Variants in MRLN observed in about 807,000 individuals in gnomAD.
The protein encoded by MRLN is Linc-RNA activator of myogenesis.
At chr10:59,745,897 C>CA (rs201860031) in intron 1 of MRLN, among the ~76,000 whole-genome samples, 8 of 151,118 alleles carry the variant, frequency 5.3e-5, no homozygotes, top group Non-Finnish European at 7.4e-5. Context: ...GGTCCCCTGG[C>CA]AAAAAAAACC....
intron 1 of MRLN, among the ~76,000 whole-genome samples, chr10:59,743,937 T>C (rs534710219): frequency 2.0e-5 from 3 of 152,322 alleles, no homozygotes; most frequent in Admixed American, 1.3e-4. Flanking sequence ...GGTGCCGGGA[T>C]TGTAGACGGA....
intron 1 of MRLN, among the ~76,000 whole-genome samples, chr10:59,743,837 G>A (rs958001638): frequency 1.3e-5 from 2 of 152,148 alleles, no homozygotes; most frequent in Admixed American, 6.5e-5. Context: ...ACTGGTTTTC[G>A]TATTTTTTGG....
chr10:59,752,125 T>A (rs1441708137), intron 1 of MRLN, among the ~76,000 whole-genome samples: 1 of 152,170 alleles, frequency 6.6e-6, no homozygotes, highest in Non-Finnish European at 1.5e-5. Context: ...CAATATACCA[T>A]CCTCCAATCC....
chr10:59,746,367 G>A (rs1841044218), intron 1 of MRLN, among the ~76,000 whole-genome samples: 1 of 152,186 alleles, frequency 6.6e-6, no homozygotes, highest in African/African-American at 2.4e-5. Flanking sequence ...GCCAGGCGCT[G>A]CTTATGCACA....
chr10:59,742,268 A>G (rs1840991678), intron 1 of MRLN, among the ~76,000 whole-genome samples: 1 of 152,238 alleles, frequency 6.6e-6, no homozygotes, highest in African/African-American at 2.4e-5. Context: ...AGACAAAAAC[A>G]AAGATGAATC....
At position 59,737,006 on chromosome 10, in the gene MRLN, A is replaced by T. The variant is rs968418335; in HGVS notation, c.*54T>A. 2 of 388,994 alleles carry T rather than the reference A, an allele frequency of 5.1e-6. No homozygotes were observed. The highest frequency in any genetic ancestry group is 4.1e-5 in the African/African-American group (2 of 48,424). 24.1% of individuals were successfully genotyped at this position (388,994 alleles called of 1,614,324 possible). Reference sequence around the variant, plus strand: ...AGTCACTCAACAAGTTAAAATACAAATTTTTATTCACTGTAATTCAGTTTG... The same window carrying T: ...AGTCACTCAACAAGTTAAAATACAATTTTTTATTCACTGTAATTCAGTTTG... On this transcript the variant is annotated 3_prime_UTR_variant, in exon 3 of 3. Transcript: ENST00000414264.
At chr10:59,744,108 C>G (rs958883191) in intron 1 of MRLN, 11 of 161,592 alleles carry the variant, frequency 6.8e-5, no homozygotes, top group African/African-American at 2.6e-4. Context: ...TGAGGAGTGC[C>G]TCTGCCTGGC....
At chr10:59,750,697 C>T (rs970663423) in intron 1 of MRLN, among the ~76,000 whole-genome samples, 5 of 152,234 alleles carry the variant, frequency 3.3e-5, no homozygotes, top group African/African-American at 1.2e-4. Context: ...TCTTCCAGCC[C>T]TCTCCATGAA....
chr10:59,739,228 G>A (rs750942545), intron 1 of MRLN: 9 of 152,058 alleles, frequency 5.9e-5, no homozygotes, highest in Non-Finnish European at 8.8e-5. Context: ...AAAAGCCTTC[G>A]TATGTAAGTG....
Position 59,736,783 on chromosome 10 carries a change from TACAGGTGTGAGCCACCACACCTG to T in MRLN, c.*254_*276del, listed in dbSNP as rs1266583007. The T allele has an allele frequency of 1.2e-5, 2 of 167,868 alleles. No homozygotes were observed. Among genetic ancestry groups the T allele is most frequent in the Non-Finnish European group, 2.5e-5 (2 of 78,558 alleles). The allele number at this position is 167,868 out of a possible 1,614,324, so 10.4% of individuals were successfully genotyped here. ...CCTGGGCCTCTCAAAGTGCTGGGAT[TACAGGTGTGAGCCACCACACCTG>T]GCTAAAAATCTAGAAGTTTCATGAC... On this transcript the variant is annotated 3_prime_UTR_variant, in exon 3 of 3. Transcript: ENST00000414264.
chr10:59,752,723 TC>T (rs1263363238), intron 1 of MRLN, among the ~76,000 whole-genome samples: 1 of 151,928 alleles, frequency 6.6e-6, no homozygotes, highest in South Asian at 2.1e-4. Flanking sequence ...GGCTTCAGGG[TC>T]CCCCTTTTCT....
intron 1 of MRLN, among the ~76,000 whole-genome samples, chr10:59,745,090 C>T (rs897310619): frequency 1.3e-5 from 2 of 150,928 alleles, no homozygotes; most frequent in African/African-American, 4.9e-5. Context: ...CTGAGAAACA[C>T]CCAAGAATGA....
At chr10:59,740,796 CTTT>C (rs1840975139) in intron 1 of MRLN, among the ~76,000 whole-genome samples, 1 of 148,760 alleles carries the variant, frequency 6.7e-6, no homozygotes. Flanking sequence ...TTCTTTCTTT[CTTT>C]CTTTCTTTTT....
chr10:59,738,160 A>G (rs1326299397), intron 2 of MRLN: 2 of 152,234 alleles, frequency 1.3e-5, no homozygotes, highest in African/African-American at 4.8e-5. Flanking sequence ...GAAGGGAATT[A>G]CTTGCCCCAA....
intron 1 of MRLN, among the ~76,000 whole-genome samples, chr10:59,752,934 TC>T (rs2070178314): frequency 6.6e-6 from 1 of 151,982 alleles, no homozygotes; most frequent in Non-Finnish European, 1.5e-5. Context: ...CAACTACTCC[TC>T]CCCCCAATCC....
intron 1 of MRLN, among the ~76,000 whole-genome samples, chr10:59,740,707 A>G (rs1840973636): frequency 6.6e-6 from 1 of 152,168 alleles, no homozygotes; most frequent in African/African-American, 2.4e-5. Context: ...TCAAAACATT[A>G]AGAAAATTAA....
At chr10:59,737,707 G>T (rs1018703188) in intron 2 of MRLN, among the ~76,000 whole-genome samples, 3 of 150,258 alleles carry the variant, frequency 2.0e-5, no homozygotes, top group South Asian at 2.1e-4. Flanking sequence ...GTCATGTTTT[G>T]GTTACTTACT....
intron 1 of MRLN, among the ~76,000 whole-genome samples, chr10:59,753,138 T>C (rs942480408): frequency 6.6e-5 from 10 of 152,166 alleles, no homozygotes; most frequent in Admixed American, 1.3e-4. Context: ...ATCTAATTCA[T>C]TGGTCTCTCT....
chr10:59,749,016 G>T (rs1450116677), intron 1 of MRLN, among the ~76,000 whole-genome samples: 1 of 152,176 alleles, frequency 6.6e-6, no homozygotes, highest in Non-Finnish European at 1.5e-5. Context: ...GAGAGTACAG[G>T]ATCTGAACCA....
Sources: allele counts gnomAD v4.1 joint callset (sites outside exome capture counted in the v4.1 genomes callset), GRCh38; gene constraint gnomAD v4.1.1; transcripts MANE v1.5; gene names NCBI Gene and HGNC (gene_info 2026-07-23, HGNC 2026-07-21).